The following CNTNAP2 variants were observed in gnomAD, a reference collection of about 807,000 sequenced individuals.
The protein encoded by CNTNAP2 is contactin-associated protein-like 2.
In CNTNAP2, 98 loss-of-function variants were observed where a neutral mutation model predicts 155.2. That is an observed-to-expected ratio of 0.63 (90% CI 0.54 to 0.75). CNTNAP2 has a LOEUF of 0.75. Ranked by LOEUF, CNTNAP2 falls within the 30% of genes least tolerant of loss-of-function variation. The probability of loss-of-function intolerance (pLI) is 0.00; values close to 1 mark genes in which losing one functional copy is unlikely to be tolerated. For synonymous variants in CNTNAP2, 651 were observed against 631.2 expected, an observed-to-expected ratio of 1.03 and a Z score of -0.47; for missense variants, 1,727 against 1,688.1, an observed-to-expected ratio of 1.02 and a Z score of -0.40.
At chr7:147,562,652 G>A (rs1046460531) in intron 12 of CNTNAP2, among the ~76,000 whole-genome samples, 1 of 152,118 alleles carries the variant, frequency 6.6e-6, no homozygotes, top group Non-Finnish European at 1.5e-5. Context: ...GACCTTCCTC[G>A]ATTCTCCATA....
intron 12 of CNTNAP2, among the ~76,000 whole-genome samples, chr7:147,628,141 A>G (rs1174555483): frequency 6.6e-6 from 1 of 152,192 alleles, no homozygotes; most frequent in African/African-American, 2.4e-5. Flanking sequence ...AACACCTGGG[A>G]AATTCATTCC....
intron 21 of CNTNAP2, among the ~76,000 whole-genome samples, chr7:148,362,093 C>T (rs1271501495): frequency 6.6e-6 from 1 of 152,072 alleles, no homozygotes; most frequent in Non-Finnish European, 1.5e-5. Context: ...CCTGTAGTCT[C>T]AGCTACTTGG....
At chr7:146,969,354 C>T (rs1797732147) in intron 3 of CNTNAP2, among the ~76,000 whole-genome samples, 1 of 152,030 alleles carries the variant, frequency 6.6e-6, no homozygotes. Flanking sequence ...GAGTTCAATT[C>T]CTGGGTATCC....
intron 1 of CNTNAP2, among the ~76,000 whole-genome samples, chr7:146,135,675 C>T (rs540717741): frequency 6.6e-6 from 1 of 152,180 alleles, no homozygotes; most frequent in East Asian, 1.9e-4. Flanking sequence ...ATATTTTTAC[C>T]TACCTTAGTA....
At chr7:147,100,521 T>G (rs1008510434) in intron 4 of CNTNAP2, among the ~76,000 whole-genome samples, 2 of 152,218 alleles carry the variant, frequency 1.3e-5, no homozygotes, top group African/African-American at 4.8e-5. Context: ...TATATATTCT[T>G]TATTTAAACT....
chr7:146,974,933 A>G (rs1369031484), intron 3 of CNTNAP2, among the ~76,000 whole-genome samples: 2 of 152,194 alleles, frequency 1.3e-5, no homozygotes, highest in East Asian at 3.9e-4. Context: ...GGTTGCAGTG[A>G]GCAGAGATTG....
chr7:148,218,853 T>A (rs1238967313), intron 19 of CNTNAP2, among the ~76,000 whole-genome samples: 1 of 151,554 alleles, frequency 6.6e-6, no homozygotes, highest in Non-Finnish European at 1.5e-5. Flanking sequence ...TAAGAAGCCC[T>A]GGAGTGTACA....
intron 2 of CNTNAP2, among the ~76,000 whole-genome samples, chr7:146,784,802 T>G (rs958245045): frequency 5.3e-5 from 8 of 152,182 alleles, no homozygotes; most frequent in Admixed American, 3.3e-4. Context: ...GGACCACACC[T>G]CCCTCTGTGC....
intron 9 of CNTNAP2, among the ~76,000 whole-genome samples, chr7:147,385,509 T>C (rs749245168): frequency 1.3e-5 from 2 of 152,076 alleles, no homozygotes; most frequent in Non-Finnish European, 2.9e-5. Flanking sequence ...AGAGAAATTG[T>C]CAAAATAAAG....
chr7:148,285,005 C>A (rs1797055918), intron 21 of CNTNAP2, among the ~76,000 whole-genome samples: 1 of 152,168 alleles, frequency 6.6e-6, no homozygotes, highest in South Asian at 2.1e-4. Context: ...AAGAATAGAG[C>A]AGTTGTAGAA....
chr7:147,133,372 C>T lies in CNTNAP2; in HGVS notation c.1348+863C>T, dbSNP rs540211249. Among the ~76,000 whole-genome samples the T allele has an allele frequency of 6.2e-4, 94 of 152,138 alleles. 2 individuals carry two copies. The highest frequency in any genetic ancestry group is 4.1e-3 in the South Asian group (20 of 4,822). ...AAAGAAAACTAACATTTACTGAACA[C>T]TTAGTACAGATGTAGCAGATACTGA... On this transcript the variant is annotated intron_variant, in intron 8 of 23. Transcript: ENST00000361727.
intron 13 of CNTNAP2, among the ~76,000 whole-genome samples, chr7:147,640,693 T>C (rs1795257051): frequency 6.6e-6 from 1 of 152,058 alleles, no homozygotes; most frequent in Non-Finnish European, 1.5e-5. Context: ...GACATGGACA[T>C]ACGTGGAGTG....
At chr7:146,366,071 A>G (rs750466895) in intron 1 of CNTNAP2, among the ~76,000 whole-genome samples, 18 of 152,248 alleles carry the variant, frequency 1.2e-4, no homozygotes, top group Admixed American at 2.0e-4. Context: ...ACTCAGGTGA[A>G]ATAAAGAGGG....
chr7:146,934,533 G>A (rs987399394), intron 3 of CNTNAP2, among the ~76,000 whole-genome samples: 1 of 151,836 alleles, frequency 6.6e-6, no homozygotes, highest in African/African-American at 2.4e-5. Context: ...CACTAGCATG[G>A]CACATGTATA....
At chr7:146,315,535 T>C (rs1019391380) in intron 1 of CNTNAP2, among the ~76,000 whole-genome samples, 1 of 152,202 alleles carries the variant, frequency 6.6e-6, no homozygotes, top group African/African-American at 2.4e-5. Flanking sequence ...GGATTCTGGC[T>C]TTCTCTGGGA....
intron 3 of CNTNAP2, among the ~76,000 whole-genome samples, chr7:146,901,412 A>C (rs1025451477): frequency 3.9e-5 from 6 of 152,226 alleles, no homozygotes; most frequent in Admixed American, 2.6e-4. Flanking sequence ...ATAATTTCTC[A>C]GATATTATGA....
chr7:147,686,429 A>G (rs1188943405), intron 13 of CNTNAP2, among the ~76,000 whole-genome samples: 1 of 152,100 alleles, frequency 6.6e-6, no homozygotes, highest in Non-Finnish European at 1.5e-5. Flanking sequence ...CAATCTATTG[A>G]GTAGATGATT....
chr7:146,164,691 T>A (rs1798285463), intron 1 of CNTNAP2, among the ~76,000 whole-genome samples: 1 of 152,230 alleles, frequency 6.6e-6, no homozygotes, highest in Non-Finnish European at 1.5e-5. Context: ...TTTTCATTGC[T>A]TTGGACATTG....
At chr7:146,158,041 A>T (rs1451150133) in intron 1 of CNTNAP2, among the ~76,000 whole-genome samples, 4 of 152,184 alleles carry the variant, frequency 2.6e-5, no homozygotes, top group African/African-American at 9.6e-5. Flanking sequence ...CGAAACTTCC[A>T]GAGGAAAGAT....
Sources: allele counts gnomAD v4.1 joint callset (sites outside exome capture counted in the v4.1 genomes callset), GRCh38; gene constraint gnomAD v4.1.1; transcripts MANE v1.5; gene names NCBI Gene and HGNC (gene_info 2026-07-23, HGNC 2026-07-21).